GRID1: variants seen among roughly 807,000 people sequenced by gnomAD.
The protein encoded by GRID1 is glutamate receptor ionotropic, delta-1.
In GRID1, 28 loss-of-function variants were observed where a neutral mutation model predicts 98.0. That is an observed-to-expected ratio of 0.29 (90% CI 0.21 to 0.39). The LOEUF (loss-of-function observed/expected upper bound fraction) is 0.39, where lower values mean the gene tolerates loss of function less well. Among genes scored for constraint, GRID1 ranks in the 10% least tolerant of loss-of-function variants. The pLI is 1.00. For synonymous variants in GRID1, 553 were observed against 538.5 expected (o/e 1.03, Z -0.37); for missense variants, 1,111 against 1,340.5 (o/e 0.83, Z 2.67).
At chr10:86,235,803 T>C (rs1846528800) in intron 2 of GRID1, among the ~76,000 whole-genome samples, 1 of 152,238 alleles carries the variant, frequency 6.6e-6, no homozygotes, top group African/African-American at 2.4e-5. Context: ...TTGATGGACA[T>C]TTGTGTTGTA....
chr10:86,259,245 T>C (rs924281767), intron 2 of GRID1, among the ~76,000 whole-genome samples: 1 of 152,262 alleles, frequency 6.6e-6, no homozygotes, highest in Admixed American at 6.5e-5. Context: ...CTTTGCAAGC[T>C]GTCAGCCCTA....
chr10:86,248,484 C>T (rs574335248), intron 2 of GRID1, among the ~76,000 whole-genome samples: 22 of 152,058 alleles, frequency 1.4e-4, no homozygotes, highest in African/African-American at 5.1e-4. Flanking sequence ...TTTCTTTCTG[C>T]ACTGGTCGTA....
intron 2 of GRID1, among the ~76,000 whole-genome samples, chr10:86,343,658 TC>T (rs1420363492): frequency 2.0e-5 from 3 of 152,104 alleles, no homozygotes; most frequent in Non-Finnish European, 1.5e-5. Context: ...AAGGAGGTGG[TC>T]AGCCAGTGTG....
chr10:85,842,303 C>A lies in GRID1; in HGVS notation c.1233+12193G>T, dbSNP rs566870249. Among the ~76,000 whole-genome samples, 6 of 152,002 alleles carry A rather than the reference C, an allele frequency of 3.9e-5. 1 individual carries two copies. Among genetic ancestry groups the A allele is most frequent in the African/African-American group, 1.4e-4 (6 of 41,506 alleles). On this transcript the variant is annotated intron_variant, in intron 8 of 15. Coordinates refer to ENST00000327946, the MANE Select transcript of GRID1 (RefSeq NM_017551.3). The stretch of plus-strand genomic sequence containing the variant: ...ATGGACACATAGATGGAAACACACA[C>A]TGAGGCCTATTGGAGAGCAGAGGAT...
chr10:86,174,480 CA>C (rs577180151), intron 3 of GRID1, among the ~76,000 whole-genome samples: 1 of 151,580 alleles, frequency 6.6e-6, no homozygotes, highest in South Asian at 2.1e-4. Flanking sequence ...ACACCTTATA[CA>C]AAAATTAATT....
intron 3 of GRID1, among the ~76,000 whole-genome samples, chr10:86,152,388 G>A (rs1845181620): frequency 6.6e-6 from 1 of 152,206 alleles, no homozygotes; most frequent in Admixed American, 6.5e-5. Flanking sequence ...GCCATGCCAA[G>A]CCCACCACTC....
At chr10:86,354,444 G>A (rs1848506641) in intron 2 of GRID1, among the ~76,000 whole-genome samples, 1 of 152,196 alleles carries the variant, frequency 6.6e-6, no homozygotes, top group African/African-American at 2.4e-5. Flanking sequence ...ATGGGAGAAT[G>A]AGCCCCAAGG....
chr10:85,863,237 T>A (rs144288784), intron 6 of GRID1, among the ~76,000 whole-genome samples: 3 of 152,316 alleles, frequency 2.0e-5, no homozygotes, highest in Admixed American at 1.3e-4. Context: ...GGTGAGGACG[T>A]GCTTTTTGGC....
At chr10:85,843,255 T>A (rs1248908685) in intron 8 of GRID1, among the ~76,000 whole-genome samples, 1 of 151,954 alleles carries the variant, frequency 6.6e-6, no homozygotes, top group Admixed American at 6.6e-5. Flanking sequence ...AAAAATGAAC[T>A]TCAACCTAAA....
chr10:86,174,730 G>A (rs1010009515), intron 3 of GRID1, among the ~76,000 whole-genome samples: 9 of 149,246 alleles, frequency 6.0e-5, no homozygotes, highest in Middle Eastern at 3.5e-3. Flanking sequence ...GAAAATTTTC[G>A]CAACCTACTC....
At chr10:85,968,760 C>T (rs1442074797) in intron 4 of GRID1, among the ~76,000 whole-genome samples, 1 of 151,754 alleles carries the variant, frequency 6.6e-6, no homozygotes, top group Admixed American at 6.6e-5. Context: ...ATATTGAATG[C>T]AAAATAAAGC....
chr10:85,899,854 G>A (rs1841354206), intron 5 of GRID1, among the ~76,000 whole-genome samples: 1 of 152,208 alleles, frequency 6.6e-6, no homozygotes, highest in Non-Finnish European at 1.5e-5. Flanking sequence ...TGCCTCAGTA[G>A]CTGACAAGCT....
chr10:85,599,802 A>AAAAAATATATATATATATATATAT lies in GRID1; in HGVS notation c.*2470_*2471insATATATATATATATATATATTTTT. ...GTAGAAAATTCTAAAAAAAAAAAAAAATATATATATATATATATAAACATG... is the reference window on the plus strand; with the variant it reads ...GTAGAAAATTCTAAAAAAAAAAAAAAAAAAATATATATATATATATATATATATATATATATATATATAAACATG... On this transcript the variant is annotated 3_prime_UTR_variant, in exon 16 of 16. Transcript: ENST00000327946. 52 of 64,936 alleles carry AAAAAATATATATATATATATATAT rather than the reference A, an allele frequency of 8.0e-4. No homozygotes were observed. Among genetic ancestry groups the AAAAAATATATATATATATATATAT allele is most frequent in the African/African-American group, 2.4e-3 (26 of 10,706 alleles). The allele number at this position is 64,936 out of a possible 1,614,324, so 4.0% of individuals were successfully genotyped here.
intron 5 of GRID1, among the ~76,000 whole-genome samples, chr10:85,905,600 A>G (rs1031959330): frequency 6.6e-6 from 1 of 152,180 alleles, no homozygotes; most frequent in South Asian, 2.1e-4. Context: ...TATTATAACA[A>G]TTACATTGAG....
intron 2 of GRID1, among the ~76,000 whole-genome samples, chr10:86,357,608 G>T (rs970159984): frequency 6.6e-6 from 1 of 152,234 alleles, no homozygotes; most frequent in African/African-American, 2.4e-5. Flanking sequence ...ACAGGTGGAT[G>T]TGTGTGTGCC....
In GRID1 at chr10:86,206,337, C is replaced by T. The variant is rs753226118; in HGVS notation, c.520+27G>A. The T allele has an allele frequency of 2.6e-6, 4 of 1,567,208 alleles. No homozygotes were observed. The highest frequency in any genetic ancestry group is 3.5e-6 in the Non-Finnish European group (4 of 1,153,644). Reference sequence around the variant, plus strand: ...TCTGGCCATCCCTGTCCCCAAGCAGCCCCAGCTCGCCTGCCGGACAACTCA... The same window carrying T: ...TCTGGCCATCCCTGTCCCCAAGCAGTCCCAGCTCGCCTGCCGGACAACTCA... On this transcript the variant is annotated intron_variant, in intron 3 of 15. Coordinates refer to ENST00000327946, the MANE Select transcript of GRID1 (RefSeq NM_017551.3). This position sits in a 1 kb window ranked among gnomAD's most constrained non-coding sequence, Gnocchi z 4.1.
Position 86,161,153 on chromosome 10 carries a change from C to T in GRID1, c.521-22129G>A, listed in dbSNP as rs149801961. The stretch of plus-strand genomic sequence containing the variant: ...ATTCCCACACCCTGGCCGTCCAACC[C>T]CGGTGACCCAAAGAACTAAGGTGTG... On this transcript the variant is annotated intron_variant, in intron 3 of 15. Transcript: ENST00000327946. 2.0e-3 allele frequency among the ~76,000 whole-genome samples: 312 copies of T among 152,278 alleles called. 2 individuals carry two copies. The highest frequency in any genetic ancestry group is 7.0e-3 in the African/African-American group (291 of 41,550).
At chr10:86,117,926 C>T (rs1282325311) in intron 4 of GRID1, among the ~76,000 whole-genome samples, 1 of 152,266 alleles carries the variant, frequency 6.6e-6, no homozygotes, top group East Asian at 1.9e-4. Context: ...GTAGATCTAC[C>T]GTTTGATCCA....
chr10:86,027,967 T>C (rs987421583), intron 4 of GRID1, among the ~76,000 whole-genome samples: 5 of 152,314 alleles, frequency 3.3e-5, no homozygotes, highest in African/African-American at 1.2e-4. Context: ...GGCTCCTTTA[T>C]GTACATCATC....
Sources: allele counts gnomAD v4.1 joint callset (sites outside exome capture counted in the v4.1 genomes callset), GRCh38; gene constraint gnomAD v4.1.1; non-coding constraint Gnocchi (gnomAD v3.1); transcripts MANE v1.5; gene names NCBI Gene and HGNC (gene_info 2026-07-23, HGNC 2026-07-21).